Variants in ZNRF1 observed in about 807,000 individuals in gnomAD.
The protein encoded by ZNRF1 is E3 ubiquitin-protein ligase ZNRF1.
ZNRF1 carries 3 observed loss-of-function variants against 18.4 expected under a neutral mutation model. The ratio of observed to expected loss-of-function variants is 0.16; its 90% confidence interval spans 0.07 to 0.42. ZNRF1 has a LOEUF of 0.42. ZNRF1 is among the 10% of genes least tolerant of loss of function. The pLI, the probability that ZNRF1 is intolerant of heterozygous loss-of-function variation, is 0.99. For missense variants in ZNRF1, 310 were observed against 329.8 expected (o/e 0.94, Z 0.47); for synonymous variants, 157 against 144.2 (o/e 1.09, Z -0.64).
chr16:75,064,091 G>A (rs2035774160), intron 1 of ZNRF1, among the ~76,000 whole-genome samples: 1 of 152,098 alleles, frequency 6.6e-6, no homozygotes, highest in Non-Finnish European at 1.5e-5. Flanking sequence ...TTGAGCTCAG[G>A]AGTTTGAGAC....
At chr16:75,060,773 C>G (rs763676337) in intron 1 of ZNRF1, among the ~76,000 whole-genome samples, 8 of 152,114 alleles carry the variant, frequency 5.3e-5, no homozygotes, top group Non-Finnish European at 1.2e-4. Flanking sequence ...CCACCGCGCC[C>G]GGCCAGAAAC....
intron 1 of ZNRF1, among the ~76,000 whole-genome samples, chr16:75,019,079 C>G (rs1265437240): frequency 6.6e-6 from 1 of 152,094 alleles, no homozygotes; most frequent in Admixed American, 6.6e-5. Flanking sequence ...GGCAGGATGA[C>G]TGCTTGAACC....
At chr16:75,085,703 G>T (rs1304245810) in intron 1 of ZNRF1, among the ~76,000 whole-genome samples, 1 of 151,742 alleles carries the variant, frequency 6.6e-6, no homozygotes, top group African/African-American at 2.4e-5. Context: ...CCAACATCTG[G>T]TGTTGCTAGT....
At chr16:75,044,933 C>T (rs551984767) in intron 1 of ZNRF1, among the ~76,000 whole-genome samples, 1 of 152,286 alleles carries the variant, frequency 6.6e-6, no homozygotes, top group South Asian at 2.1e-4. Context: ...AGTGGAATTC[C>T]TTTCTCTAAT....
chr16:75,027,392 C>G (rs1342617735), intron 1 of ZNRF1, among the ~76,000 whole-genome samples: 1 of 152,190 alleles, frequency 6.6e-6, no homozygotes, highest in African/African-American at 2.4e-5. Context: ...AGCCCTATAG[C>G]TGGGCCTATG....
chr16:75,010,130 C>A (rs897105212), intron 1 of ZNRF1, among the ~76,000 whole-genome samples: 1 of 151,984 alleles, frequency 6.6e-6, no homozygotes, highest in Non-Finnish European at 1.5e-5. Flanking sequence ...TTATAGGCGC[C>A]TACCATCATG....
chr16:75,101,807 C>CT (rs1380903815), intron 2 of ZNRF1, among the ~76,000 whole-genome samples: 1 of 152,202 alleles, frequency 6.6e-6, no homozygotes, highest in East Asian at 1.9e-4. Flanking sequence ...TCCTTCCAGA[C>CT]TTTGATCTGT....
intron 1 of ZNRF1, among the ~76,000 whole-genome samples, chr16:75,071,494 T>C (rs1392478891): frequency 6.6e-6 from 1 of 152,152 alleles, no homozygotes; most frequent in Admixed American, 6.5e-5. Flanking sequence ...CTATGTGGCC[T>C]GGGCTTCCTC....
intron 1 of ZNRF1, among the ~76,000 whole-genome samples, chr16:75,064,326 A>G (rs2035777080): frequency 6.6e-6 from 1 of 151,560 alleles, no homozygotes; most frequent in African/African-American, 2.4e-5. Context: ...AATTAAATAA[A>G]CAAGAAAACT....
intron 1 of ZNRF1, among the ~76,000 whole-genome samples, chr16:75,011,080 T>C (rs1188017426): frequency 6.6e-6 from 1 of 152,186 alleles, no homozygotes; most frequent in African/African-American, 2.4e-5. Context: ...TCTGACGTGG[T>C]CATTTTGCAC....
At chr16:75,071,098 C>CT (rs56690008) in intron 1 of ZNRF1, among the ~76,000 whole-genome samples, 123,788 of 143,504 alleles carry the variant, frequency 0.86, 53,722 homozygotes, top group Non-Finnish European at 0.92. Flanking sequence ...GCACAGGTGT[C>CT]TTTTTTTTTT....
At chr16:75,077,105 G>A (rs543926138) in intron 1 of ZNRF1, among the ~76,000 whole-genome samples, 1 of 152,312 alleles carries the variant, frequency 6.6e-6, no homozygotes, top group East Asian at 1.9e-4. Flanking sequence ...TTTAAGAGTT[G>A]ATCCAGGCCG....
At chr16:75,087,295 C>T (rs1261603977) in intron 1 of ZNRF1, among the ~76,000 whole-genome samples, 1 of 152,178 alleles carries the variant, frequency 6.6e-6, no homozygotes, top group African/African-American at 2.4e-5. Flanking sequence ...AGTGGGCTTA[C>T]CCTGATGTTG....
At chr16:75,000,267 T>G in intron 1 of ZNRF1, 172 bp downstream of exon 1, 1 of 1,022,876 alleles carries the variant, frequency 9.8e-7, no homozygotes, top group Non-Finnish European at 1.5e-6. Context: ...AAACTAGGCT[T>G]TCTGCGAGGC....
chr16:75,077,788 C>G (rs76410163), intron 1 of ZNRF1, among the ~76,000 whole-genome samples: 1,778 of 152,268 alleles, frequency 0.012, 26 homozygotes, highest in African/African-American at 0.039. Flanking sequence ...CTGGAGGCCA[C>G]GCTTTCCTTG....
At position 75,045,735 on chromosome 16, in the gene ZNRF1, T is replaced by C. The variant is rs781083597; in HGVS notation, c.424+45640T>C. The stretch of plus-strand genomic sequence containing the variant: ...CTTCGTCTTTTTTTTTTTTTTTTTT[T>C]CCAGAGACAGGGCTAATTCACCCAG... On this transcript the variant is annotated intron_variant, in intron 1 of 4. Transcript: ENST00000335325. 9.4e-4 allele frequency among the ~76,000 whole-genome samples: 141 copies of C among 149,902 alleles called. 1 individual carries two copies. The highest frequency in any genetic ancestry group is 1.5e-3 in the African/African-American group (59 of 40,666).
At chr16:75,073,472 C>A (rs938355034) in intron 1 of ZNRF1, among the ~76,000 whole-genome samples, 2 of 151,950 alleles carry the variant, frequency 1.3e-5, no homozygotes, top group Admixed American at 6.6e-5. Flanking sequence ...CATTCCCCAC[C>A]CCGCCGTAGC....
At chr16:75,033,447 T>G (rs1009008470) in intron 1 of ZNRF1, among the ~76,000 whole-genome samples, 1 of 148,900 alleles carries the variant, frequency 6.7e-6, no homozygotes, top group Non-Finnish European at 1.5e-5. Flanking sequence ...GTTTTTTTTT[T>G]TTTTTTTTTT....
chr16:75,046,608 C>G (rs1425040623), intron 1 of ZNRF1, among the ~76,000 whole-genome samples: 1 of 152,066 alleles, frequency 6.6e-6, no homozygotes, highest in Non-Finnish European at 1.5e-5. Flanking sequence ...CTGAGTCTCG[C>G]TCTGTCGCCC....
Sources: gnomAD v4.1 joint callset for allele counts (sites outside exome capture counted in the v4.1 genomes callset) on GRCh38, gnomAD v4.1.1 for gene constraint, MANE v1.5 for transcripts, NCBI Gene and HGNC (gene_info 2026-07-23, HGNC 2026-07-21) for gene names.